MMP16: variants seen among roughly 807,000 people sequenced by gnomAD.
MMP16 encodes the protein matrix metalloproteinase-16.
A neutral mutation model predicts 67.8 loss-of-function variants in MMP16; 12 were observed. The ratio of observed to expected loss-of-function variants is 0.18; its 90% CI spans 0.11 to 0.29. The LOEUF (loss-of-function observed/expected upper bound fraction) is 0.29, where lower values mean the gene tolerates loss of function less well. Among genes scored for constraint, MMP16 ranks in the 10% least tolerant of loss-of-function variants. The probability of loss-of-function intolerance (pLI) is 1.00; values close to 1 mark genes in which losing one functional copy is unlikely to be tolerated. For synonymous variants in MMP16, 249 were observed against 255.9 expected (o/e 0.97, Z 0.26); for missense variants, 475 against 765.7 (o/e 0.62, Z 4.48).
chr8:88,261,481 C>CT (rs1810387956), intron 1 of MMP16, among the ~76,000 whole-genome samples: 1 of 151,986 alleles, frequency 6.6e-6, no homozygotes, highest in Non-Finnish European at 1.5e-5. Flanking sequence ...CCCTAGCGTT[C>CT]ATATTTTTAC....
intron 1 of MMP16, among the ~76,000 whole-genome samples, chr8:88,303,088 A>G (rs145594542): frequency 1.2e-4 from 18 of 152,292 alleles, no homozygotes; most frequent in Admixed American, 3.3e-4. Context: ...GTCACAGCAG[A>G]GCAGCTGCTC....
chr8:88,177,564 C>A (rs1808912878), intron 3 of MMP16, among the ~76,000 whole-genome samples: 2 of 152,120 alleles, frequency 1.3e-5, no homozygotes, highest in South Asian at 4.1e-4. Flanking sequence ...CAGTGAAGAT[C>A]TGAGAAAGAT....
intron 3 of MMP16, among the ~76,000 whole-genome samples, chr8:88,183,245 T>A (rs572247953): frequency 6.6e-6 from 1 of 152,192 alleles, no homozygotes; most frequent in African/African-American, 2.4e-5. Context: ...TTTTAACTAA[T>A]CTACTATGCT....
chr8:88,280,841 C>T (rs921008711), intron 1 of MMP16, among the ~76,000 whole-genome samples: 1 of 152,138 alleles, frequency 6.6e-6, no homozygotes, highest in African/African-American at 2.4e-5. Context: ...GCTATGATTA[C>T]ACCACTGCAC....
chr8:88,129,922 G>A (rs1563540336), intron 4 of MMP16, among the ~76,000 whole-genome samples: 2 of 151,524 alleles, frequency 1.3e-5, no homozygotes, highest in Non-Finnish European at 3.0e-5. Flanking sequence ...TTGGCCTATC[G>A]AGTGATTACC....
At chr8:88,286,044 AG>A (rs1252481404) in intron 1 of MMP16, among the ~76,000 whole-genome samples, 5 of 152,148 alleles carry the variant, frequency 3.3e-5, no homozygotes, top group African/African-American at 1.2e-4. Flanking sequence ...GATTTCAAAA[AG>A]TCAGTAACAG....
chr8:88,321,952 T>G (rs1467182881), intron 1 of MMP16, among the ~76,000 whole-genome samples: 1 of 152,172 alleles, frequency 6.6e-6, no homozygotes, highest in East Asian at 1.9e-4. Context: ...CCCAATGTTA[T>G]ATGGACACGA....
At chr8:88,246,601 G>T (rs957588256) in intron 1 of MMP16, among the ~76,000 whole-genome samples, 2 of 152,148 alleles carry the variant, frequency 1.3e-5, no homozygotes, top group Admixed American at 1.3e-4. Context: ...GTAGATAACT[G>T]AATGCTTACG....
At chr8:88,100,304 A>C (rs1047388202) in intron 6 of MMP16, among the ~76,000 whole-genome samples, 1 of 152,040 alleles carries the variant, frequency 6.6e-6, no homozygotes, top group Non-Finnish European at 1.5e-5. Context: ...ACCCCATCAA[A>C]AAGTGGGCAA....
intron 4 of MMP16, among the ~76,000 whole-genome samples, chr8:88,147,293 C>T (rs1808309375): frequency 6.6e-6 from 1 of 151,944 alleles, no homozygotes; most frequent in Non-Finnish European, 1.5e-5. Flanking sequence ...AAATTAATTC[C>T]TTAACGCTAA....
chr8:88,059,369 G>T (rs1335571951), intron 7 of MMP16, among the ~76,000 whole-genome samples: 1 of 151,850 alleles, frequency 6.6e-6, no homozygotes, highest in African/African-American at 2.4e-5. Flanking sequence ...AAGGCAAAAA[G>T]AAAAAAGTGT....
intron 4 of MMP16, among the ~76,000 whole-genome samples, chr8:88,151,140 A>G (rs1306449726): frequency 1.2e-5 from 1 of 85,468 alleles, no homozygotes; most frequent in Non-Finnish European, 2.4e-5. Context: ...TGGTAAAGGG[A>G]TCAATTCAAC....
In MMP16 at chr8:88,324,849, C is replaced by T. The variant is rs192831755; in HGVS notation, c.132+2226G>A. On this transcript the variant is annotated intron_variant, in intron 1 of 9. Coordinates refer to ENST00000286614, the MANE Select transcript of MMP16 (RefSeq NM_005941.5). ...GACAATATTTCCATTTCACTAGCAG[C>T]TACTCCTACAATCTAAAAAAAAGGG... 3.8e-3 allele frequency among the ~76,000 whole-genome samples: 571 copies of T among 152,158 alleles called. 2 individuals are homozygous for T. Among genetic ancestry groups the T allele is most frequent in the Non-Finnish European group, 6.5e-3 (445 of 68,008 alleles).
At chr8:88,252,344 G>A (rs1315465434) in intron 1 of MMP16, among the ~76,000 whole-genome samples, 1 of 151,994 alleles carries the variant, frequency 6.6e-6, no homozygotes, top group Non-Finnish European at 1.5e-5. Context: ...AGCTCATCAT[G>A]CTCATTATCT....
chr8:88,146,932 G>A (rs891856927), intron 4 of MMP16, among the ~76,000 whole-genome samples: 2 of 151,794 alleles, frequency 1.3e-5, no homozygotes, highest in African/African-American at 2.4e-5. Flanking sequence ...CTATATAGCA[G>A]GTATAAATGT....
intron 3 of MMP16, among the ~76,000 whole-genome samples, chr8:88,184,760 A>AAAAAAAAAAAAAAAAAAAG: frequency 7.0e-6 from 1 of 141,872 alleles, no homozygotes; most frequent in African/African-American, 2.6e-5. Context: ...AAAAAAAAAA[A>AAAAAAAAAAAAAAAAAAAG]AAAAAAAAAA....
chr8:88,088,462 C>T (rs911067684), intron 6 of MMP16, among the ~76,000 whole-genome samples: 1 of 151,888 alleles, frequency 6.6e-6, no homozygotes, highest in African/African-American at 2.4e-5. Context: ...CTGAATGAGA[C>T]CAGGCTGAAT....
chr8:88,322,265 C>A (rs970209857), intron 1 of MMP16, among the ~76,000 whole-genome samples: 1 of 152,102 alleles, frequency 6.6e-6, no homozygotes, highest in Non-Finnish European at 1.5e-5. Context: ...AAGGTGTGAG[C>A]TGAACTTGAT....
chr8:88,140,759 A>G (rs1808199607), intron 4 of MMP16, among the ~76,000 whole-genome samples: 1 of 152,162 alleles, frequency 6.6e-6, no homozygotes, highest in African/African-American at 2.4e-5. Context: ...ACTGCTGCCT[A>G]CAAGAATTCA....
Sources: allele counts gnomAD v4.1 joint callset (sites outside exome capture counted in the v4.1 genomes callset), GRCh38; gene constraint gnomAD v4.1.1; transcripts MANE v1.5; gene names NCBI Gene and HGNC (gene_info 2026-07-23, HGNC 2026-07-21).